The following SPNS3 variants were observed in gnomAD, a reference collection of about 807,000 sequenced individuals.
The protein encoded by SPNS3 is protein spinster homolog 3.
SPNS3 carries 51 observed loss-of-function variants against 54.4 expected under a neutral mutation model. That is an observed-to-expected ratio of 0.94 (90% confidence interval 0.75 to 1.18). The LOEUF (loss-of-function observed/expected upper bound fraction) is 1.18, where lower values mean the gene tolerates loss of function less well. Among genes scored for constraint, SPNS3 ranks in the 50% most tolerant of loss-of-function variants. The probability of loss-of-function intolerance (pLI) is 0.00; values close to 1 mark genes in which losing one functional copy is unlikely to be tolerated. For synonymous variants in SPNS3, 309 were observed against 294.7 expected, an observed-to-expected ratio of 1.05 and a Z score of -0.50; for missense variants, 669 against 677.4, an observed-to-expected ratio of 0.99 and a Z score of 0.14.
chr17:4,449,160 G>A, intron 6 of SPNS3, 75 bp from the exon 7 acceptor site: 1 of 1,524,220 alleles, frequency 6.6e-7, no homozygotes, highest in Non-Finnish European at 8.8e-7. Flanking sequence ...AGACTGCCCA[G>A]GAGTGGGGAG....
chr17:4,485,400 A>ATT (rs35169625), intron 9 of SPNS3, among the ~76,000 whole-genome samples: 1 of 140,466 alleles, frequency 7.1e-6, no homozygotes, highest in Non-Finnish European at 1.6e-5. Flanking sequence ...TATTTTTTTT[A>ATT]TTTTTTTTTT....
intron 7 of SPNS3, 87 bp downstream of exon 7, chr17:4,449,474 G>A (rs1314109117): frequency 1.6e-5 from 22 of 1,412,860 alleles, no homozygotes; most frequent in Admixed American, 5.7e-5. Context: ...CCAAAATTCA[G>A]TTTCTTGGGG....
intron 11 of SPNS3, among the ~76,000 whole-genome samples, chr17:4,487,515 A>G (rs1255633063): frequency 6.6e-6 from 1 of 152,192 alleles, no homozygotes; most frequent in African/African-American, 2.4e-5. Flanking sequence ...GGAGAGGAGC[A>G]CCGAGGTGGT....
intron 8 of SPNS3, among the ~76,000 whole-genome samples, chr17:4,455,904 G>T (rs1971298395): frequency 9.7e-6 from 1 of 103,304 alleles, no homozygotes; most frequent in Non-Finnish European, 2.3e-5. Context: ...TTCCTGGCAA[G>T]CACTGCCCTC....
chr17:4,443,972 T>C (rs1970917263), intron 2 of SPNS3, among the ~76,000 whole-genome samples: 1 of 152,118 alleles, frequency 6.6e-6, no homozygotes, highest in African/African-American at 2.4e-5. Context: ...GTGGTGGTAC[T>C]TGCCTGTAGT....
Position 4,453,180 on chromosome 17 carries a change from C to A in SPNS3, c.1088C>A (p.Ala363Asp). ...APCLYLALVLAPTTLLASYVF... is the reference protein window; with the variant it reads ...APCLYLALVLDPTTLLASYVF... Reference sequence around the variant, plus strand: ...TGCCTCTACCTGGCTCTCGTCCTGGCCCCGACCACCCTGCTGGCCTCCTAT... The same window carrying A: ...TGCCTCTACCTGGCTCTCGTCCTGGACCCGACCACCCTGCTGGCCTCCTAT... Residue 363 changes from alanine to aspartate, a missense_variant, in exon 8 of 12, where the codon GCC becomes GAC. Physicochemically the swap from Ala to Asp is moderately radical, Grantham distance 126. Transcript: ENST00000355530. 6.2e-7 allele frequency: 1 copy of A among 1,613,366 alleles called. No homozygotes were observed. Among genetic ancestry groups the A allele is most frequent in the Non-Finnish European group, 8.5e-7 (1 of 1,179,792 alleles).
At chr17:4,444,876 T>G in intron 2 of SPNS3, 156 bp from the exon 3 acceptor site, 22 of 898,382 alleles carry the variant, frequency 2.4e-5, no homozygotes, top group Non-Finnish European at 3.8e-5. Flanking sequence ...CCACGCACTG[T>G]GAGGTTCACC....
At position 4,451,351 on chromosome 17, in the gene SPNS3, A is replaced by G. The variant is rs900522891; in HGVS notation, c.924-1665A>G. ...ACTGCAACCTCGGCCTCCCGGGTTC[A>G]AGCGATTCTCCTGCCTCAGCCTCCC... is the stretch of plus-strand genomic sequence containing the variant. On this transcript the variant is annotated intron_variant, in intron 7 of 11. Coordinates refer to ENST00000355530, the MANE Select transcript of SPNS3 (RefSeq NM_182538.5). 2.6e-5 allele frequency among the ~76,000 whole-genome samples: 4 copies of G among 151,160 alleles called. No individual in the cohort carries two copies. The South Asian group carries it at 6.3e-4, about 24-fold the overall frequency.
intron 8 of SPNS3, among the ~76,000 whole-genome samples, chr17:4,471,385 T>A (rs1971850124): frequency 6.6e-6 from 1 of 152,272 alleles, no homozygotes; most frequent in South Asian, 2.1e-4. Context: ...TAAGGAGTTT[T>A]TATCTACCCC....
chr17:4,453,156 G>A lies in SPNS3; in HGVS notation c.1064G>A (p.Cys355Tyr), dbSNP rs1567560579. 3 of 1,613,938 alleles carry A rather than the reference G, an allele frequency of 1.9e-6. No homozygotes were observed. The highest frequency in any genetic ancestry group is 2.5e-6 in the Non-Finnish European group (3 of 1,179,960). ...TCCAGCCTGCTTGCCACAGCCCCCT[G>A]CCTCTACCTGGCTCTCGTCCTGGCC... ...CASSLLATAPCLYLALVLAPT... is the reference protein window; with the variant it reads ...CASSLLATAPYLYLALVLAPT... Residue 355 changes from cysteine (C) to tyrosine (Y), a missense_variant, in exon 8 of 12, where the codon TGC (cysteine) becomes TAC (tyrosine). Cys to Tyr is a radical substitution (Grantham distance 194). Transcript: ENST00000355530.
chr17:4,487,813 A>C lies in SPNS3; in HGVS notation c.1458A>C (p.Pro486=), dbSNP rs1442304619. The change falls in exon 12 of 12, where the codon CCA becomes CCC. Residue 486 remains proline (P), a synonymous_variant. Transcript: ENST00000355530. The part of the protein sequence containing the change: ...TRAWQPVTGT[P]DSNDVDSNDL... ...GCATCTTTCCTCCTGCAGGGACCCC[A>C]GACAGCAATGATGTGGACAGCAACG... The C allele has an allele frequency of 1.2e-6, 2 of 1,613,956 alleles. No individual in the cohort carries two copies. Among genetic ancestry groups the C allele is most frequent in the Non-Finnish European group, 1.7e-6 (2 of 1,179,882 alleles).
chr17:4,461,361 CTTTTTTTTTTTTTTTTT>C (rs55928003), intron 8 of SPNS3, among the ~76,000 whole-genome samples: 2 of 33,394 alleles, frequency 6.0e-5, no homozygotes, highest in African/African-American at 9.9e-5. Flanking sequence ...CTTTTCTTTT[CTTTTTTTTTTTTTTTTT>C]TTTTTTTTTG....
At position 4,486,658 on chromosome 17, in the gene SPNS3, T is replaced by G; in HGVS notation, c.1450+75T>G. 2.1e-6 allele frequency: 3 copies of G among 1,435,962 alleles called. No homozygotes were observed. Among genetic ancestry groups the G allele is most frequent in the Non-Finnish European group, 2.8e-6 (3 of 1,060,730 alleles). The allele number at this position is 1,435,962 out of a possible 1,614,324, so 89.0% of individuals were successfully genotyped here. ...CAGACAGCACTGGCCACCCCCTGAATCCCTGGCCAGTTTGTTTGTTCATTC... is the reference window on the plus strand; with the variant it reads ...CAGACAGCACTGGCCACCCCCTGAAGCCCTGGCCAGTTTGTTTGTTCATTC... On this transcript the variant is annotated intron_variant, in intron 11 of 11. Transcript: ENST00000355530. This position sits in a 1 kb window ranked among gnomAD's most constrained non-coding sequence, Gnocchi z 5.5.
intron 8 of SPNS3, among the ~76,000 whole-genome samples, chr17:4,470,355 G>A (rs1567570956): frequency 6.6e-6 from 1 of 152,126 alleles, no homozygotes; most frequent in Non-Finnish European, 1.5e-5. Flanking sequence ...TTGAACTCAG[G>A]AGGCAGAGGT....
chr17:4,481,321 G>T (rs940514619), intron 9 of SPNS3, among the ~76,000 whole-genome samples: 1 of 151,990 alleles, frequency 6.6e-6, no homozygotes, highest in African/African-American at 2.4e-5. Flanking sequence ...AGTGTGTGGG[G>T]ACAGGGTCTG....
chr17:4,435,093 C>T (rs1184720150), intron 1 of SPNS3, among the ~76,000 whole-genome samples: 6 of 152,102 alleles, frequency 3.9e-5, no homozygotes, highest in African/African-American at 9.7e-5. Flanking sequence ...TGAGCCCCTG[C>T]GCCCAGCCGA....
Position 4,449,403 on chromosome 17 carries a change from G to C in SPNS3, c.923+16G>C. On this transcript the variant is annotated intron_variant, in intron 7 of 11. Coordinates refer to ENST00000355530, the MANE Select transcript of SPNS3 (RefSeq NM_182538.5). ...ACCCCGACAGGTGAGGGCATCCGGG[G>C]GCCCTGGGCACCTGGCCCGGCTCGG... 1.3e-6 allele frequency: 2 copies of C among 1,563,714 alleles called. No homozygotes were observed. Among genetic ancestry groups the C allele is most frequent in the Middle Eastern group, 1.7e-4 (1 of 5,852 alleles).
intron 9 of SPNS3, among the ~76,000 whole-genome samples, chr17:4,480,529 C>T (rs1402797794): frequency 6.6e-6 from 1 of 152,256 alleles, no homozygotes; most frequent in Non-Finnish European, 1.5e-5. Flanking sequence ...CACGGCGCAG[C>T]TCCCTCTTCC....
chr17:4,478,656 G>A lies in SPNS3; in HGVS notation c.1179+19G>A. 2 of 1,577,516 alleles carry A rather than the reference G, an allele frequency of 1.3e-6. No individual in the cohort carries two copies. Among genetic ancestry groups the A allele is most frequent in the Non-Finnish European group, 1.7e-6 (2 of 1,161,086 alleles). The stretch of plus-strand genomic sequence containing the variant: ...CCTGCTGGTAGGTGTGGGAGTCGGG[G>A]TGGTGGGCTGAGCAGGGGGAGCTGG... On this transcript the variant is annotated intron_variant, in intron 9 of 11. Transcript: ENST00000355530.
Sources: allele counts gnomAD v4.1 joint callset (sites outside exome capture counted in the v4.1 genomes callset), GRCh38; gene constraint gnomAD v4.1.1; non-coding constraint Gnocchi (gnomAD v3.1); transcripts MANE v1.5; gene names NCBI Gene and HGNC (gene_info 2026-07-23, HGNC 2026-07-21).